EIF3H: variants seen among roughly 807,000 people sequenced by gnomAD.
EIF3H encodes eIF-3-gamma.
Under a neutral mutation model 44.2 loss-of-function variants are expected in EIF3H, and 26 were observed. The observed-to-expected ratio is 0.59, with a 90% CI of 0.43 to 0.82. The LOEUF (loss-of-function observed/expected upper bound fraction) is 0.82, where lower values mean the gene tolerates loss of function less well. Ranked by LOEUF, EIF3H falls within the 40% of genes least tolerant of loss-of-function variation. The pLI is 0.00. For synonymous variants in EIF3H, 166 were observed against 151.9 expected, an observed-to-expected ratio of 1.09 and a Z score of -0.68; for missense variants, 359 against 432.8, an observed-to-expected ratio of 0.83 and a Z score of 1.51.
At chr8:116,708,708 A>C (rs1360352103) in intron 2 of EIF3H, among the ~76,000 whole-genome samples, 5 of 152,274 alleles carry the variant, frequency 3.3e-5, no homozygotes, top group Non-Finnish European at 7.4e-5. Flanking sequence ...AACTGAGAGC[A>C]GTACTTTATT....
At chr8:116,649,886 G>A (rs1477505541) in intron 5 of EIF3H, among the ~76,000 whole-genome samples, 1 of 152,164 alleles carries the variant, frequency 6.6e-6, no homozygotes, top group Non-Finnish European at 1.5e-5. Context: ...AGTGAAAGAT[G>A]AGTCAGCTAT....
chr8:116,696,101 G>C (rs1460595137), intron 2 of EIF3H, among the ~76,000 whole-genome samples: 1 of 152,226 alleles, frequency 6.6e-6, no homozygotes, highest in Non-Finnish European at 1.5e-5. Context: ...AGCATGCTCA[G>C]GGTGTTCTTG....
chr8:116,754,820 A>T (rs553166392), intron 1 of EIF3H, among the ~76,000 whole-genome samples: 1 of 152,382 alleles, frequency 6.6e-6, no homozygotes, highest in East Asian at 1.9e-4. Context: ...ACTTAAAAAT[A>T]CCTGCTTGCA....
intron 1 of EIF3H, among the ~76,000 whole-genome samples, chr8:116,749,118 CA>C (rs1054453394): frequency 6.6e-6 from 1 of 151,978 alleles, no homozygotes; most frequent in African/African-American, 2.4e-5. Context: ...AAGGGGAAAA[CA>C]AAATTTAAAA....
rs1294303166 is a variant in EIF3H at position 116,643,554 on chromosome 8, C to CTTT, written c.*1451_*1452insAAA. ...CCAACCAGAGTTTGCATGCTTCACCCAAACCCCCAACAAACGTCTTCAACA... is the reference window on the plus strand; with the variant it reads ...CCAACCAGAGTTTGCATGCTTCACCCTTTAAACCCCCAACAAACGTCTTCAACA... On this transcript the variant is annotated 3_prime_UTR_variant, in exon 8 of 8. Transcript: ENST00000521861. 2 of 152,156 alleles carry CTTT rather than the reference C, an allele frequency of 1.3e-5. No individual in the cohort carries two copies. The highest frequency in any genetic ancestry group is 4.8e-5 in the African/African-American group (2 of 41,438). The allele number at this position is 152,156 out of a possible 1,614,324, so 9.4% of individuals were successfully genotyped here.
At chr8:116,662,856 A>C in intron 2 of EIF3H, among the ~76,000 whole-genome samples, 1 of 152,220 alleles carries the variant, frequency 6.6e-6, no homozygotes, top group East Asian at 1.9e-4. Context: ...ATGCTGGTTA[A>C]GTTTTACACA....
At position 116,644,537 on chromosome 8, in the gene EIF3H, GT is replaced by G. The variant is rs1813268870; in HGVS notation, c.*468del. 1.3e-5 allele frequency: 2 copies of G among 154,754 alleles called. No homozygotes were observed. The highest frequency in any genetic ancestry group is 2.9e-5 in the Non-Finnish European group (2 of 69,722). The allele number at this position is 154,754 out of a possible 1,614,324, so 9.6% of individuals were successfully genotyped here. A position where few individuals can be genotyped will look rare whatever the true frequency, so the allele number is the denominator to read the frequency against. ...CCGGGGACAAGGAATTCCTGGGCAA[GT>G]ACATGAAGCCTGGACTTCTCTCGGG... On this transcript the variant is annotated 3_prime_UTR_variant, in exon 8 of 8. Transcript: ENST00000521861.
chr8:116,673,474 A>C (rs1176636662), intron 2 of EIF3H, among the ~76,000 whole-genome samples: 1 of 152,178 alleles, frequency 6.6e-6, no homozygotes, highest in African/African-American at 2.4e-5. Context: ...TAAAGAAAAA[A>C]CATCTTACTA....
At chr8:116,704,217 CA>C (rs1814430470) in intron 2 of EIF3H, among the ~76,000 whole-genome samples, 1 of 152,194 alleles carries the variant, frequency 6.6e-6, no homozygotes, top group Non-Finnish European at 1.5e-5. Context: ...GGCTCTTGGA[CA>C]AAGTACTTAG....
At chr8:116,703,424 A>G (rs1417308299) in intron 2 of EIF3H, among the ~76,000 whole-genome samples, 2 of 152,174 alleles carry the variant, frequency 1.3e-5, no homozygotes, top group African/African-American at 4.8e-5. Flanking sequence ...AGGCAATGTC[A>G]GGCCTGCCCG....
At chr8:116,707,579 T>C (rs367952477) in intron 2 of EIF3H, among the ~76,000 whole-genome samples, 12 of 152,314 alleles carry the variant, frequency 7.9e-5, no homozygotes, top group African/African-American at 2.9e-4. Context: ...TTTGATAATA[T>C]TCAGTCAAGC....
chr8:116,709,548 C>T (rs1399964138), intron 2 of EIF3H, among the ~76,000 whole-genome samples: 2 of 152,166 alleles, frequency 1.3e-5, no homozygotes, highest in Non-Finnish European at 2.9e-5. Flanking sequence ...AGAGATGTAT[C>T]CACTGACAAA....
intron 1 of EIF3H, among the ~76,000 whole-genome samples, chr8:116,764,021 A>G (rs573268609): frequency 1.3e-5 from 2 of 152,318 alleles, no homozygotes; most frequent in South Asian, 4.1e-4. Context: ...CTTCAAAATC[A>G]TGTACAACAG....
At chr8:116,675,186 T>C (rs535631400) in intron 2 of EIF3H, among the ~76,000 whole-genome samples, 25 of 152,340 alleles carry the variant, frequency 1.6e-4, no homozygotes, top group South Asian at 8.3e-4. Context: ...TACACAAAGA[T>C]TCTTGGAACT....
chr8:116,692,563 C>G (rs745629568), intron 2 of EIF3H, among the ~76,000 whole-genome samples: 1 of 152,074 alleles, frequency 6.6e-6, no homozygotes, highest in Non-Finnish European at 1.5e-5. Flanking sequence ...TGCTTTCATA[C>G]GATAAATGAC....
intron 1 of EIF3H, among the ~76,000 whole-genome samples, chr8:116,744,224 A>C (rs1234032437): frequency 6.6e-6 from 1 of 151,710 alleles, no homozygotes; most frequent in Non-Finnish European, 1.5e-5. Context: ...TAAAAAAAAA[A>C]AAAACAAACA....
intron 7 of EIF3H, among the ~76,000 whole-genome samples, chr8:116,645,320 C>T (rs959877503): frequency 6.6e-6 from 1 of 152,202 alleles, no homozygotes; most frequent in African/African-American, 2.4e-5. Flanking sequence ...AAAACTACTC[C>T]TCAAAAGCTT....
chr8:116,752,778 AGGGAG>A (rs1563663190), intron 1 of EIF3H, among the ~76,000 whole-genome samples: 2,522 of 54,118 alleles, frequency 0.047, 181 homozygotes, highest in Non-Finnish European at 0.079. Flanking sequence ...GGAGGGAGGG[AGGGAG>A]GGAGGGAGGG....
At chr8:116,714,792 G>A (rs1814634779) in intron 2 of EIF3H, among the ~76,000 whole-genome samples, 1 of 152,050 alleles carries the variant, frequency 6.6e-6, no homozygotes, top group Non-Finnish European at 1.5e-5. Context: ...TAGGGGGTAA[G>A]ACAAAATAAT....
Sources: allele counts gnomAD v4.1 joint callset (sites outside exome capture counted in the v4.1 genomes callset), GRCh38; gene constraint gnomAD v4.1.1; transcripts MANE v1.5; gene names NCBI Gene and HGNC (gene_info 2026-07-23, HGNC 2026-07-21).